The following SLC8A1 variants were observed in gnomAD, a reference collection of about 807,000 sequenced individuals.
SLC8A1 encodes the protein sodium/calcium exchanger 1.
In SLC8A1, 18 loss-of-function variants were observed where a neutral mutation model predicts 68.3. The ratio of observed to expected loss-of-function variants is 0.26; its 90% CI spans 0.18 to 0.39. The LOEUF (loss-of-function observed/expected upper bound fraction) is 0.39, where lower values mean the gene tolerates loss of function less well. SLC8A1 is among the 10% of genes least tolerant of loss of function. The pLI, the probability that SLC8A1 is intolerant of heterozygous loss-of-function variation, is 1.00. For missense variants in SLC8A1, 985 were observed against 1,156.7 expected (o/e 0.85, Z 2.15); for synonymous variants, 475 against 415.5 (o/e 1.14, Z -1.74).
chr2:40,315,732 A>G (rs887899614), intron 2 of SLC8A1, among the ~76,000 whole-genome samples: 2 of 152,048 alleles, frequency 1.3e-5, no homozygotes, highest in Admixed American at 1.3e-4. Flanking sequence ...GCTAAAGTGC[A>G]ATCATCTTGG....
chr2:40,449,726 AG>A (rs1218392890), intron 1 of SLC8A1, among the ~76,000 whole-genome samples: 1 of 152,208 alleles, frequency 6.6e-6, no homozygotes, highest in Non-Finnish European at 1.5e-5. Flanking sequence ...TTCATATTTT[AG>A]TTCATTACTC....
intron 2 of SLC8A1, among the ~76,000 whole-genome samples, chr2:40,280,218 G>T (rs915007272): frequency 1.5e-4 from 6 of 40,646 alleles, no homozygotes; most frequent in African/African-American, 4.5e-4. Context: ...CATTATAAAA[G>T]AATCTAATGA....
intron 2 of SLC8A1, among the ~76,000 whole-genome samples, chr2:40,369,885 T>TAAA (rs11383290): frequency 6.6e-6 from 1 of 151,758 alleles, no homozygotes; most frequent in Non-Finnish European, 1.5e-5. Flanking sequence ...ACCAAAAAAA[T>TAAA]AAAAAAACTG....
chr2:40,274,597 G>T (rs888470258), intron 2 of SLC8A1, among the ~76,000 whole-genome samples: 1 of 152,174 alleles, frequency 6.6e-6, no homozygotes, highest in African/African-American at 2.4e-5. Flanking sequence ...GATGATACAA[G>T]CATATCAACA....
At chr2:40,155,331 G>T (rs62150905) in intron 6 of SLC8A1, among the ~76,000 whole-genome samples, 1 of 151,954 alleles carries the variant, frequency 6.6e-6, no homozygotes, top group Non-Finnish European at 1.5e-5. Context: ...TGGTTTCACC[G>T]TGTTAGCCAG....
chr2:40,435,548 C>G (rs1345345187), intron 1 of SLC8A1, among the ~76,000 whole-genome samples: 3 of 152,140 alleles, frequency 2.0e-5, no homozygotes, highest in African/African-American at 7.2e-5. Flanking sequence ...ACATCATAGG[C>G]TCAAGCCTTT....
At chr2:40,267,603 G>C (rs2065510217) in intron 2 of SLC8A1, among the ~76,000 whole-genome samples, 1 of 152,058 alleles carries the variant, frequency 6.6e-6, no homozygotes, top group South Asian at 2.1e-4. Flanking sequence ...TGCCATGCCT[G>C]GTATGCAGTA....
chr2:40,367,661 G>C (rs2149496414), intron 2 of SLC8A1, among the ~76,000 whole-genome samples: 1 of 152,076 alleles, frequency 6.6e-6, no homozygotes, highest in South Asian at 2.1e-4. Flanking sequence ...GATGCCTCCA[G>C]ACTGTCAATG....
intron 1 of SLC8A1, among the ~76,000 whole-genome samples, chr2:40,500,987 A>G (rs1216932427): frequency 1.3e-5 from 2 of 151,734 alleles, no homozygotes; most frequent in Non-Finnish European, 2.9e-5. Flanking sequence ...GCTGCTGGCT[A>G]TATCTCTGAT....
Position 40,129,704 on chromosome 2 carries a change from C to T in SLC8A1, c.2437+9697G>A, listed in dbSNP as rs1254596491. On this transcript the variant is annotated intron_variant, in intron 7 of 7. Transcript: ENST00000406785. ...AAAGAAAGGGAAATTTACACTCATT[C>T]ACATAACACATGCATAACACCAACC... 3.3e-5 allele frequency among the ~76,000 whole-genome samples: 5 copies of T among 152,190 alleles called. No individual in the cohort carries two copies. The East Asian group carries it at 7.7e-4, about 23-fold the overall frequency.
rs2047047348 is a variant in SLC8A1, at chr2:40,169,190, A to G, written c.1931-4206T>C. Among the ~76,000 whole-genome samples the G allele has an allele frequency of 2.0e-5, 3 of 152,206 alleles. No individual in the cohort carries two copies. The South Asian group carries it at 6.2e-4, about 31-fold the overall frequency. On this transcript the variant is annotated intron_variant, in intron 4 of 7. Coordinates refer to ENST00000406785, the Ensembl canonical transcript of SLC8A1. ...GAAAACAACACAACCCATAAGGTCCATCTCATTATCAAGATCTCTACCTCA... is the reference window on the plus strand; with the variant it reads ...GAAAACAACACAACCCATAAGGTCCGTCTCATTATCAAGATCTCTACCTCA...
intron 5 of SLC8A1, among the ~76,000 whole-genome samples, chr2:40,161,952 C>CA (rs2045760944): frequency 1.3e-5 from 2 of 152,112 alleles, no homozygotes; most frequent in South Asian, 4.1e-4. Context: ...TGGGAGTAAG[C>CA]AAAATGCTAT....
At chr2:40,413,918 T>C (rs1176843215) in intron 2 of SLC8A1, among the ~76,000 whole-genome samples, 4 of 152,190 alleles carry the variant, frequency 2.6e-5, no homozygotes, top group Non-Finnish European at 4.4e-5. Flanking sequence ...GGTGTGCATG[T>C]AGTAAAACAG....
intron 2 of SLC8A1, among the ~76,000 whole-genome samples, chr2:40,302,445 G>GTC (rs2071677459): frequency 6.7e-6 from 1 of 150,022 alleles, no homozygotes; most frequent in African/African-American, 2.5e-5. Flanking sequence ...CATTGTGTGT[G>GTC]TGTGTGTGTG....
At chr2:40,268,412 T>C (rs1185713202) in intron 2 of SLC8A1, among the ~76,000 whole-genome samples, 1 of 152,192 alleles carries the variant, frequency 6.6e-6, no homozygotes, top group Non-Finnish European at 1.5e-5. Context: ...CTAACATTTT[T>C]CATGCACTTG....
chr2:40,227,895 T>C (rs2059181467), intron 2 of SLC8A1, among the ~76,000 whole-genome samples: 1 of 152,056 alleles, frequency 6.6e-6, no homozygotes, highest in African/African-American at 2.4e-5. Context: ...ACTCAGAGAA[T>C]AATGAGCTAC....
At chr2:40,189,741 T>G (rs1198619676) in intron 2 of SLC8A1, 1 of 152,224 alleles carries the variant, frequency 6.6e-6, no homozygotes, top group Admixed American at 6.5e-5. Context: ...TTTTAGCTTT[T>G]AATGAAGTTG....
At chr2:40,370,495 T>C (rs1441970025) in intron 2 of SLC8A1, among the ~76,000 whole-genome samples, 1 of 152,110 alleles carries the variant, frequency 6.6e-6, no homozygotes, top group Non-Finnish European at 1.5e-5. Context: ...CTTTTTCTCA[T>C]GTAATTGACA....
chr2:40,493,726 C>T (rs1393310802), intron 1 of SLC8A1, among the ~76,000 whole-genome samples: 1 of 150,758 alleles, frequency 6.6e-6, no homozygotes, highest in East Asian at 2.0e-4. Flanking sequence ...ACGATCTCAA[C>T]TCACTGCAAC....
Sources: gnomAD v4.1 joint callset for allele counts (sites outside exome capture counted in the v4.1 genomes callset) on GRCh38, gnomAD v4.1.1 for gene constraint, MANE v1.5 for transcripts, NCBI Gene and HGNC (gene_info 2026-07-23, HGNC 2026-07-21) for gene names.